TNR: variants seen among roughly 807,000 people sequenced by gnomAD.
TNR encodes the protein tenascin R.
A neutral mutation model predicts 150.4 loss-of-function variants in TNR; 45 were observed. That is an observed-to-expected ratio of 0.30 (90% CI 0.24 to 0.38). The LOEUF (loss-of-function observed/expected upper bound fraction) is 0.38, where lower values mean the gene tolerates loss of function less well. TNR is among the 10% of genes least tolerant of loss of function. TNR has a pLI of 1.00. For synonymous variants in TNR, 687 were observed against 678.4 expected (o/e 1.01, Z -0.20); for missense variants, 1,544 against 1,759.1 (o/e 0.88, Z 2.19).
chr1:175,725,351 C>T (rs542121540), intron 1 of TNR, among the ~76,000 whole-genome samples: 5 of 152,322 alleles, frequency 3.3e-5, no homozygotes, highest in African/African-American at 1.2e-4. Context: ...TTATCACAAA[C>T]TTTAGTTTCC....
At chr1:175,358,729 G>C (rs750174809) in intron 15 of TNR, among the ~76,000 whole-genome samples, 7 of 152,182 alleles carry the variant, frequency 4.6e-5, no homozygotes, top group Non-Finnish European at 8.8e-5. Context: ...GGGCTTCTCT[G>C]TTCTGTTCAA....
At chr1:175,491,972 C>A (rs974399633) in intron 2 of TNR, among the ~76,000 whole-genome samples, 6 of 152,146 alleles carry the variant, frequency 3.9e-5, no homozygotes, top group Non-Finnish European at 7.3e-5. Flanking sequence ...AAACGATAAA[C>A]TTTTTCATAG....
At chr1:175,492,550 G>A (rs897571771) in intron 2 of TNR, among the ~76,000 whole-genome samples, 5 of 152,216 alleles carry the variant, frequency 3.3e-5, no homozygotes, top group African/African-American at 1.2e-4. Flanking sequence ...AGCGGTCACA[G>A]AGTTCCCATC....
intron 1 of TNR, among the ~76,000 whole-genome samples, chr1:175,607,034 C>T (rs17377309): frequency 0.08 from 12,111 of 152,276 alleles, 612 homozygotes; most frequent in Admixed American, 0.12. Flanking sequence ...CTTTGTCCTG[C>T]GGTCTGCCTC....
At chr1:175,431,064 C>T (rs377742647) in intron 2 of TNR, among the ~76,000 whole-genome samples, 38 of 152,160 alleles carry the variant, frequency 2.5e-4, no homozygotes, top group African/African-American at 7.0e-4. Context: ...ATTCCAGGGA[C>T]GGAATCTTTC....
chr1:175,637,994 T>C (rs1436532447), intron 1 of TNR, among the ~76,000 whole-genome samples: 3 of 152,144 alleles, frequency 2.0e-5, no homozygotes, highest in Non-Finnish European at 2.9e-5. Context: ...TAGAAAAGAC[T>C]CATGGATTTC....
At chr1:175,638,213 C>A (rs1022262495) in intron 1 of TNR, among the ~76,000 whole-genome samples, 3 of 152,192 alleles carry the variant, frequency 2.0e-5, no homozygotes. Context: ...TATACAGAAT[C>A]CTGCTGGAAG....
intron 1 of TNR, among the ~76,000 whole-genome samples, chr1:175,609,791 G>A (rs1222329346): frequency 6.6e-6 from 1 of 152,182 alleles, no homozygotes; most frequent in Admixed American, 6.5e-5. Flanking sequence ...TTCTCTTCTT[G>A]TAGTCAAACT....
intron 2 of TNR, among the ~76,000 whole-genome samples, chr1:175,503,159 AC>A (rs1195217818): frequency 1.3e-5 from 2 of 152,162 alleles, no homozygotes; most frequent in Non-Finnish European, 2.9e-5. Context: ...AGACCAGAGG[AC>A]CCATGGCTGA....
chr1:175,614,835 C>T (rs1246575306), intron 1 of TNR, among the ~76,000 whole-genome samples: 3 of 152,224 alleles, frequency 2.0e-5, no homozygotes, highest in African/African-American at 4.8e-5. Flanking sequence ...GACGTCTCAG[C>T]ACTCAGGTTC....
chr1:175,692,602 A>G (rs1468404931), intron 1 of TNR, among the ~76,000 whole-genome samples: 1 of 152,182 alleles, frequency 6.6e-6, no homozygotes, highest in African/African-American at 2.4e-5. Context: ...ATGGGCAAAG[A>G]TCAGTCTCAC....
chr1:175,567,605 C>T (rs1661694316), intron 1 of TNR, among the ~76,000 whole-genome samples: 1 of 152,172 alleles, frequency 6.6e-6, no homozygotes, highest in African/African-American at 2.4e-5. Context: ...ATCAAGAACT[C>T]TTTCTATCTA....
chr1:175,649,495 G>A (rs552075682), intron 1 of TNR, among the ~76,000 whole-genome samples: 1 of 151,956 alleles, frequency 6.6e-6, no homozygotes, highest in Non-Finnish European at 1.5e-5. Flanking sequence ...CATCTCCTTG[G>A]GGGCAGACAG....
At chr1:175,451,511 C>A (rs1170333558) in intron 2 of TNR, among the ~76,000 whole-genome samples, 12 of 152,102 alleles carry the variant, frequency 7.9e-5, no homozygotes, top group Admixed American at 7.8e-4. Context: ...TGGTGCTCTG[C>A]CATGCCATGT....
intron 2 of TNR, among the ~76,000 whole-genome samples, chr1:175,496,435 C>T (rs1274871781): frequency 2.6e-5 from 4 of 152,190 alleles, no homozygotes; most frequent in African/African-American, 4.8e-5. Flanking sequence ...CTGGCTGGCA[C>T]GTACTCTTCT....
At chr1:175,412,184 T>C (rs1329397214) in intron 2 of TNR, among the ~76,000 whole-genome samples, 2 of 152,212 alleles carry the variant, frequency 1.3e-5, no homozygotes, top group African/African-American at 4.8e-5. Flanking sequence ...GAGCCAAGAC[T>C]GAACCCAGAT....
chr1:175,491,807 AC>A (rs1658268487), intron 2 of TNR, among the ~76,000 whole-genome samples: 1 of 151,000 alleles, frequency 6.6e-6, no homozygotes, highest in African/African-American at 2.4e-5. Flanking sequence ...CCACCACCAC[AC>A]CCGGCTAATT....
At chr1:175,594,886 T>C (rs1211594472) in intron 1 of TNR, among the ~76,000 whole-genome samples, 1 of 148,284 alleles carries the variant, frequency 6.7e-6, no homozygotes, top group Non-Finnish European at 1.5e-5. Flanking sequence ...AATTATTGGC[T>C]GGGCATGGTG....
intron 1 of TNR, among the ~76,000 whole-genome samples, chr1:175,711,375 C>T (rs561784124): frequency 6.6e-6 from 1 of 152,196 alleles, no homozygotes; most frequent in South Asian, 2.1e-4. Flanking sequence ...CAGGAGCATG[C>T]CTGCCACATT....
Sources: allele counts gnomAD v4.1 joint callset (sites outside exome capture counted in the v4.1 genomes callset), GRCh38; gene constraint gnomAD v4.1.1; transcripts MANE v1.5; gene names NCBI Gene and HGNC (gene_info 2026-07-23, HGNC 2026-07-21).